ERBIN: variants seen among roughly 807,000 people sequenced by gnomAD.
ERBIN encodes the protein densin-180-like protein.
ERBIN carries 60 observed loss-of-function variants against 158.4 expected under a neutral mutation model. The ratio of observed to expected loss-of-function variants is 0.38; its 90% confidence interval spans 0.31 to 0.47. The LOEUF (loss-of-function observed/expected upper bound fraction) is 0.47. ERBIN is among the 20% of genes least tolerant of loss of function. The pLI is 0.99. For missense variants in ERBIN, 1,610 were observed against 1,648.0 expected (o/e 0.98, Z 0.40); for synonymous variants, 594 against 557.2 (o/e 1.07, Z -0.93).
chr5:65,975,287 C>G (rs186046819), intron 1 of ERBIN, among the ~76,000 whole-genome samples: 1 of 151,490 alleles, frequency 6.6e-6, no homozygotes, highest in African/African-American at 2.4e-5. Flanking sequence ...GGATTACATG[C>G]GTGAGCCACC....
At chr5:66,057,801 G>C (rs562744506) in intron 21 of ERBIN, among the ~76,000 whole-genome samples, 1 of 150,040 alleles carries the variant, frequency 6.7e-6, no homozygotes, top group Admixed American at 6.7e-5. Context: ...AACATGCGGT[G>C]TTTGGTTTTT....
At chr5:65,951,625 A>G (rs1346497511) in intron 1 of ERBIN, among the ~76,000 whole-genome samples, 2 of 152,192 alleles carry the variant, frequency 1.3e-5, no homozygotes, top group Admixed American at 1.3e-4. Context: ...TTTGAGCTCA[A>G]TTAAATGAAA....
In ERBIN at chr5:65,995,217, T is replaced by A. The variant is rs1027769013; in HGVS notation, c.307+353T>A. Among the ~76,000 whole-genome samples the A allele has an allele frequency of 2.2e-4, 34 of 152,304 alleles. No individual in the cohort carries two copies. The East Asian group carries it at 3.3e-3, about 15-fold the overall frequency. ...GTCATCATGTTGCAGGATAGATCTC[T>A]TGTGCTTATTTCTCCTGTCAAACTG... On this transcript the variant is annotated intron_variant, in intron 4 of 25. Transcript: ENST00000284037.
At chr5:65,948,652 C>T (rs1428760241) in intron 1 of ERBIN, among the ~76,000 whole-genome samples, 1 of 151,866 alleles carries the variant, frequency 6.6e-6, no homozygotes, top group African/African-American at 2.4e-5. Flanking sequence ...GTATTGCTTA[C>T]ATCCCTCTAA....
chr5:66,022,085 C>G (rs706681), intron 8 of ERBIN, among the ~76,000 whole-genome samples: 1 of 151,788 alleles, frequency 6.6e-6, no homozygotes, highest in African/African-American at 2.4e-5. Context: ...GGTTTTAAGC[C>G]TAGGAATTTC....
rs547120075 is a variant in ERBIN at position 65,950,788 on chromosome 5, G to C, written c.-58+23982G>C. Among the ~76,000 whole-genome samples, 6 of 150,978 alleles carry C rather than the reference G, an allele frequency of 4.0e-5. No homozygotes were observed. In the South Asian group the frequency reaches 1.2e-3, roughly 31 times the overall value. On this transcript the variant is annotated intron_variant, in intron 1 of 25. Coordinates refer to ENST00000284037, the MANE Select transcript of ERBIN (RefSeq NM_001253697.2). The stretch of plus-strand genomic sequence containing the variant: ...TGACTAGTAATTTTAGCATTCATAT[G>C]TATTTTTTTTTTTTCCTGTAGGATC...
At position 65,965,382 on chromosome 5, in the gene ERBIN, G is replaced by GTTTTGTTTTTT. The variant is rs1748464142; in HGVS notation, c.-57-23249_-57-23248insGTTTTTTTTTT. Among the ~76,000 whole-genome samples the GTTTTGTTTTTT allele has an allele frequency of 4.2e-5, 4 of 96,060 alleles. No homozygotes were observed. In the East Asian group the frequency reaches 1.4e-3, roughly 34 times the overall value. The allele number at this position is 96,060 out of a possible 152,430, so 63.0% of individuals were successfully genotyped here. On this transcript the variant is annotated intron_variant, in intron 1 of 25. Transcript: ENST00000284037. ...GTTCTTACCAGATTTGTTTTTTGTT[G>GTTTTGTTTTTT]TTTTTTTTTTTTTTTTTTTTTTTTT...
chr5:65,971,511 C>T lies in ERBIN; in HGVS notation c.-57-17124C>T, dbSNP rs142890148. ...ATGAGACTCCTTGGATGAAAGTAAC[C>T]AAAACCAGTAAAAATAAGGTAATAA... On this transcript the variant is annotated intron_variant, in intron 1 of 25. Transcript: ENST00000284037. Among the ~76,000 whole-genome samples the T allele has an allele frequency of 1.5e-3, 233 of 152,040 alleles. 1 individual carries two copies. Among genetic ancestry groups the T allele is most frequent in the African/African-American group, 5.5e-3 (227 of 41,462 alleles).
intron 4 of ERBIN, among the ~76,000 whole-genome samples, chr5:66,011,688 A>C (rs887258348): frequency 1.3e-5 from 2 of 152,032 alleles, no homozygotes; most frequent in African/African-American, 4.8e-5. Context: ...CTCCCTCTTA[A>C]AAACAAATAA....
At chr5:66,045,725 A>G (rs1758374203) in intron 17 of ERBIN, among the ~76,000 whole-genome samples, 1 of 152,236 alleles carries the variant, frequency 6.6e-6, no homozygotes, top group Non-Finnish European at 1.5e-5. Flanking sequence ...TCCAATTGAC[A>G]GTGTATTGTC....
chr5:66,072,367 G>T, intron 22 of ERBIN, 76 bp downstream of exon 22: 1 of 1,427,258 alleles, frequency 7.0e-7, no homozygotes, highest in South Asian at 1.5e-5. Context: ...GATATTATAT[G>T]TGCTTTAGAT....
intron 1 of ERBIN, among the ~76,000 whole-genome samples, chr5:65,972,288 C>T (rs374061011): frequency 0.017 from 2,550 of 151,122 alleles, 78 homozygotes; most frequent in African/African-American, 0.058. Context: ...AGTGGACTTA[C>T]TATGATGTGG....
At chr5:65,985,777 A>G (rs978062391) in intron 1 of ERBIN, among the ~76,000 whole-genome samples, 2 of 152,148 alleles carry the variant, frequency 1.3e-5, no homozygotes, top group Non-Finnish European at 2.9e-5. Flanking sequence ...TGTCGATTCT[A>G]GTTCTTCTGT....
intron 20 of ERBIN, 92 bp downstream of exon 20, chr5:66,051,058 A>C (rs1006016462): frequency 1.3e-6 from 1 of 782,542 alleles, no homozygotes; most frequent in Non-Finnish European, 2.0e-6. Flanking sequence ...GGTTTAATAA[A>C]TATTATAGAA....
intron 4 of ERBIN, among the ~76,000 whole-genome samples, chr5:65,995,875 T>C (rs1752379527): frequency 6.6e-6 from 1 of 152,218 alleles, no homozygotes; most frequent in Admixed American, 6.5e-5. Flanking sequence ...ATGTTGAACA[T>C]TTTTCATATA....
rs143588384 is a variant in ERBIN at position 65,943,862 on chromosome 5, T to G, written c.-58+17056T>G. Among the ~76,000 whole-genome samples the G allele has an allele frequency of 1.6e-4, 25 of 152,312 alleles. No individual in the cohort carries two copies. The East Asian group carries it at 4.6e-3, about 28-fold the overall frequency. On this transcript the variant is annotated intron_variant, in intron 1 of 25. Transcript: ENST00000284037. ...CCATTAAACAATAACTCCCAAAGCC[T>G]CCTAGCCGCTGGCAGCTACCATTTA...
chr5:66,013,886 T>G (rs1754452575), intron 6 of ERBIN, among the ~76,000 whole-genome samples: 1 of 152,074 alleles, frequency 6.6e-6, no homozygotes, highest in Admixed American at 6.6e-5. Flanking sequence ...TTCAATGGGG[T>G]TAATTTCTGT....
At chr5:66,041,592 C>T (rs761100582) in intron 15 of ERBIN, among the ~76,000 whole-genome samples, 9 of 151,852 alleles carry the variant, frequency 5.9e-5, no homozygotes, top group African/African-American at 1.2e-4. Flanking sequence ...GTGTAAGTGA[C>T]GAGAATTTGA....
chr5:66,059,196 A>G (rs1429790769), intron 21 of ERBIN, among the ~76,000 whole-genome samples: 1 of 152,058 alleles, frequency 6.6e-6, no homozygotes, highest in African/African-American at 2.4e-5. Context: ...ATTTGTTTGT[A>G]TCCTCTTTTA....
Sources: allele counts gnomAD v4.1 joint callset (sites outside exome capture counted in the v4.1 genomes callset), GRCh38; gene constraint gnomAD v4.1.1; transcripts MANE v1.5; gene names NCBI Gene and HGNC (gene_info 2026-07-23, HGNC 2026-07-21).